SLIT2: variants seen among roughly 807,000 people sequenced by gnomAD.
SLIT2 encodes slit guidance ligand 2.
SLIT2 carries 41 observed loss-of-function variants against 185.7 expected under a neutral mutation model. The ratio of observed to expected loss-of-function variants is 0.22; its 90% CI spans 0.17 to 0.29. The LOEUF (loss-of-function observed/expected upper bound fraction) is 0.29. Among genes scored for constraint, SLIT2 ranks in the 10% least tolerant of loss-of-function variants. The pLI is 1.00. For missense variants in SLIT2, 1,571 were observed against 1,909.0 expected (o/e 0.82, Z 3.30); for synonymous variants, 693 against 680.2 (o/e 1.02, Z -0.29).
intron 4 of SLIT2, among the ~76,000 whole-genome samples, chr4:20,280,666 A>G (rs1019217356): frequency 6.6e-6 from 1 of 152,102 alleles, no homozygotes; most frequent in African/African-American, 2.4e-5. Flanking sequence ...AACTCTACAC[A>G]GGCCCTGGAA....
intron 11 of SLIT2, among the ~76,000 whole-genome samples, chr4:20,518,588 T>TA (rs1475880730): frequency 6.6e-3 from 50 of 7,548 alleles, no homozygotes; most frequent in South Asian, 0.027. Context: ...TATATATATA[T>TA]TTTTTTTTTT....
In SLIT2 at chr4:20,386,937, T is replaced by C. The variant is rs573472592; in HGVS notation, c.396-80815T>C. On this transcript the variant is annotated intron_variant, in intron 4 of 36. Transcript: ENST00000504154. Reference sequence around the variant, plus strand: ...ATAGTTTTAACTTCTCAGCCTCTTATGCACATTTCCTTTGGGGGATTCCTC... The same window carrying C: ...ATAGTTTTAACTTCTCAGCCTCTTACGCACATTTCCTTTGGGGGATTCCTC... Among the ~76,000 whole-genome samples, 87 of 152,324 alleles carry C rather than the reference T, an allele frequency of 5.7e-4. No individual in the cohort carries two copies. The South Asian group carries it at 0.014, about 25-fold the overall frequency.
At chr4:20,285,968 G>T (rs1162341402) in intron 4 of SLIT2, among the ~76,000 whole-genome samples, 1 of 152,114 alleles carries the variant, frequency 6.6e-6, no homozygotes, top group Non-Finnish European at 1.5e-5. Flanking sequence ...ATGATCCAGA[G>T]GCTCTTCCAA....
At chr4:20,587,105 G>A (rs774117416) in intron 29 of SLIT2, among the ~76,000 whole-genome samples, 1 of 150,694 alleles carries the variant, frequency 6.6e-6, no homozygotes, top group Non-Finnish European at 1.5e-5. Flanking sequence ...GGCAACCTCC[G>A]CCTCCTGGGT....
At chr4:20,378,320 A>G (rs189687954) in intron 4 of SLIT2, among the ~76,000 whole-genome samples, 1 of 152,310 alleles carries the variant, frequency 6.6e-6, no homozygotes, top group African/African-American at 2.4e-5. Context: ...TGTAAACAGG[A>G]TATGACATTC....
chr4:20,331,683 G>A (rs1396697382), intron 4 of SLIT2, among the ~76,000 whole-genome samples: 3 of 151,912 alleles, frequency 2.0e-5, no homozygotes, highest in Admixed American at 6.6e-5. Flanking sequence ...TATGTAACTC[G>A]GTGGTTTTAT....
At chr4:20,574,701 C>T (rs1386476507) in intron 29 of SLIT2, among the ~76,000 whole-genome samples, 2 of 149,742 alleles carry the variant, frequency 1.3e-5, no homozygotes, top group Non-Finnish European at 2.9e-5. Context: ...GCAGGAGAAT[C>T]GCTTGAACCT....
At chr4:20,346,131 G>A (rs1222500643) in intron 4 of SLIT2, among the ~76,000 whole-genome samples, 4 of 152,038 alleles carry the variant, frequency 2.6e-5, no homozygotes, top group South Asian at 2.1e-4. Flanking sequence ...TAGCTGGAAC[G>A]ACAAGCACGC....
chr4:20,390,279 AAAAAT>A (rs1488701876), intron 4 of SLIT2, among the ~76,000 whole-genome samples: 1 of 152,174 alleles, frequency 6.6e-6, no homozygotes, highest in Non-Finnish European at 1.5e-5. Context: ...AATATACAAA[AAAAAT>A]TGCCGTGCAT....
chr4:20,314,588 G>T (rs893875930), intron 4 of SLIT2, among the ~76,000 whole-genome samples: 23 of 152,176 alleles, frequency 1.5e-4, no homozygotes, highest in African/African-American at 5.3e-4. Flanking sequence ...AAGCATTCTA[G>T]CAGTATTGGC....
chr4:20,360,143 A>G (rs934864084), intron 4 of SLIT2, among the ~76,000 whole-genome samples: 3 of 152,100 alleles, frequency 2.0e-5, no homozygotes, highest in Non-Finnish European at 4.4e-5. Flanking sequence ...GGATAGGAAA[A>G]TTTCCTAACA....
intron 9 of SLIT2, among the ~76,000 whole-genome samples, chr4:20,499,057 T>G (rs1345943099): frequency 6.6e-6 from 1 of 152,242 alleles, no homozygotes; most frequent in Non-Finnish European, 1.5e-5. Flanking sequence ...AAGCATTCCC[T>G]TTTCTCTGCA....
At chr4:20,255,696 G>A (rs1359354652) in intron 1 of SLIT2, among the ~76,000 whole-genome samples, 1 of 152,172 alleles carries the variant, frequency 6.6e-6, no homozygotes, top group Non-Finnish European at 1.5e-5. Context: ...GGGGAGCGTA[G>A]CAATTGAATT....
At chr4:20,303,960 C>T (rs67264035) in intron 4 of SLIT2, among the ~76,000 whole-genome samples, 36,195 of 152,062 alleles carry the variant, frequency 0.24, 5,231 homozygotes, top group East Asian at 0.6. Flanking sequence ...GAGTTTGAAT[C>T]ACACCTGCTA....
intron 4 of SLIT2, among the ~76,000 whole-genome samples, chr4:20,453,007 A>C (rs1243769915): frequency 6.6e-6 from 1 of 152,202 alleles, no homozygotes; most frequent in Admixed American, 6.5e-5. Flanking sequence ...AGAAATTATG[A>C]TATCATGAAA....
intron 4 of SLIT2, among the ~76,000 whole-genome samples, chr4:20,301,268 C>T (rs1373259844): frequency 6.6e-6 from 1 of 152,054 alleles, no homozygotes; most frequent in African/African-American, 2.4e-5. Context: ...ATTTGGGATA[C>T]ATCTTTATTT....
intron 4 of SLIT2, among the ~76,000 whole-genome samples, chr4:20,411,569 A>G (rs1727260836): frequency 6.6e-6 from 1 of 152,202 alleles, no homozygotes; most frequent in Non-Finnish European, 1.5e-5. Context: ...GTATGATTAT[A>G]TTCATTTTAT....
chr4:20,396,745 ATC>A (rs1350989546), intron 4 of SLIT2, among the ~76,000 whole-genome samples: 1 of 147,410 alleles, frequency 6.8e-6, no homozygotes, highest in Non-Finnish European at 1.5e-5. Flanking sequence ...ACCCCTATTT[ATC>A]TCTTTTTTTT....
At chr4:20,436,805 G>T (rs1425386654) in intron 4 of SLIT2, among the ~76,000 whole-genome samples, 1 of 152,130 alleles carries the variant, frequency 6.6e-6, no homozygotes, top group Non-Finnish European at 1.5e-5. Flanking sequence ...GCCCTTTTCA[G>T]AAAAACTTTG....
Sources: gnomAD v4.1 joint callset for allele counts (sites outside exome capture counted in the v4.1 genomes callset) on GRCh38, gnomAD v4.1.1 for gene constraint, MANE v1.5 for transcripts, NCBI Gene and HGNC (gene_info 2026-07-23, HGNC 2026-07-21) for gene names.